Variants in MAPK10 observed in about 807,000 individuals in gnomAD.
MAPK10 encodes JNK3 alpha protein kinase.
A neutral mutation model predicts 59.3 loss-of-function variants in MAPK10; 25 were observed. That is an observed-to-expected ratio of 0.42 (90% CI 0.31 to 0.59). The LOEUF (loss-of-function observed/expected upper bound fraction) is 0.59. Ranked by LOEUF, MAPK10 falls within the 20% of genes least tolerant of loss-of-function variation. MAPK10 has a pLI of 0.15. For missense variants in MAPK10, 351 were observed against 568.9 expected (o/e 0.62, Z 3.90); for synonymous variants, 190 against 200.5 (o/e 0.95, Z 0.44).
At chr4:86,485,467 G>T (rs2149072708) in intron 1 of MAPK10, among the ~76,000 whole-genome samples, 1 of 152,208 alleles carries the variant, frequency 6.6e-6, no homozygotes, top group Admixed American at 6.5e-5. Context: ...ATCCTTAATA[G>T]GTGTTTAATA....
chr4:86,197,120 G>T (rs1264177230), intron 2 of MAPK10, among the ~76,000 whole-genome samples: 1 of 152,124 alleles, frequency 6.6e-6, no homozygotes, highest in Non-Finnish European at 1.5e-5. Flanking sequence ...GCTTGATGAG[G>T]ATAGCATTGA....
At chr4:86,537,514 T>C (rs1758341225) in intron 1 of MAPK10, among the ~76,000 whole-genome samples, 1 of 152,196 alleles carries the variant, frequency 6.6e-6, no homozygotes, top group South Asian at 2.1e-4. Context: ...AATGGCTGAT[T>C]CAAGAGCTGG....
Position 86,194,347 on chromosome 4 carries a change from C to T in MAPK10, c.55G>A (p.Ala19Thr). 1 of 1,613,334 alleles carries T rather than the reference C, an allele frequency of 6.2e-7. No homozygotes were observed. Among genetic ancestry groups the T allele is most frequent in the South Asian group, 1.1e-5 (1 of 91,078 alleles). The change falls in exon 3 of 14, where the codon GCC (alanine) becomes ACC (threonine). Residue 19 changes from alanine (A) to threonine (T), a missense_variant. Around this residue, in one of 5 missense-constraint regions of MAPK10, gnomAD observed 61 missense variants for 58.4 expected, o/e 1.05. Coordinates refer to ENST00000641462, the MANE Select transcript of MAPK10 (RefSeq NM_138982.4). Reference protein sequence around the residue: ...CSEPTLDVKIAFCQGFDKQVD... With the variant: ...CSEPTLDVKITFCQGFDKQVD... Reference sequence around the variant, plus strand: ...TAAGGAACACACACCTGACAAAAGGCAATTTTCACATCCAATGTTGGTTCA... The same window carrying T: ...TAAGGAACACACACCTGACAAAAGGTAATTTTCACATCCAATGTTGGTTCA...
At chr4:86,392,242 C>A (rs906522196) in intron 1 of MAPK10, 4 of 152,578 alleles carry the variant, frequency 2.6e-5, no homozygotes, top group African/African-American at 7.2e-5. Context: ...AGTTCGACAC[C>A]AGCCTGGCCA....
intron 1 of MAPK10, among the ~76,000 whole-genome samples, chr4:86,420,487 C>T (rs1056656250): frequency 2.0e-5 from 3 of 151,900 alleles, no homozygotes; most frequent in African/African-American, 7.3e-5. Flanking sequence ...AGATAATTGC[C>T]TTTAAAAACT....
rs901901744 is a variant in MAPK10, at chr4:86,216,484, A to G, written c.-6-22077T>C. Among the ~76,000 whole-genome samples the G allele has an allele frequency of 4.6e-5, 7 of 151,706 alleles. No individual in the cohort carries two copies. The East Asian group carries it at 1.3e-3, about 29-fold the overall frequency. The stretch of plus-strand genomic sequence containing the variant: ...AATTTTATGTTCTGTGTATTTTGCC[A>G]TAACAGAAAAAGTTGAAAGAAAAAC... On this transcript the variant is annotated intron_variant, in intron 2 of 13. Transcript: ENST00000641462.
intron 1 of MAPK10, among the ~76,000 whole-genome samples, chr4:86,476,247 G>C (rs950530820): frequency 3.9e-5 from 6 of 152,052 alleles, no homozygotes; most frequent in South Asian, 4.2e-4. Context: ...GGCCGAGCCA[G>C]GTCCCAATTC....
At chr4:86,098,169 A>G (rs1040117881) in intron 9 of MAPK10, among the ~76,000 whole-genome samples, 1 of 152,178 alleles carries the variant, frequency 6.6e-6, no homozygotes, top group African/African-American at 2.4e-5. Flanking sequence ...TAGAAAGGAG[A>G]TGGAAAATGA....
At chr4:86,072,092 T>C (rs1223509678) in intron 9 of MAPK10, among the ~76,000 whole-genome samples, 2 of 150,102 alleles carry the variant, frequency 1.3e-5, no homozygotes, top group African/African-American at 5.0e-5. Context: ...TAGTTCTCCT[T>C]GAAGAGGTCC....
At chr4:86,567,671 T>C (rs531188964) in intron 1 of MAPK10, among the ~76,000 whole-genome samples, 1 of 152,308 alleles carries the variant, frequency 6.6e-6, no homozygotes, top group East Asian at 1.9e-4. Context: ...TTTATACAAA[T>C]AAATATTTAC....
chr4:86,569,659 T>C (rs1345455575), intron 1 of MAPK10, among the ~76,000 whole-genome samples: 1 of 152,096 alleles, frequency 6.6e-6, no homozygotes, highest in Non-Finnish European at 1.5e-5. Flanking sequence ...GCAACATAGA[T>C]GGGACTGAAG....
At chr4:86,421,104 C>T (rs1233930508) in intron 1 of MAPK10, among the ~76,000 whole-genome samples, 2 of 151,856 alleles carry the variant, frequency 1.3e-5, no homozygotes, top group Non-Finnish European at 2.9e-5. Flanking sequence ...AAAAAATTTA[C>T]ATATACAAAG....
intron 1 of MAPK10, among the ~76,000 whole-genome samples, chr4:86,474,329 C>T (rs1427063656): frequency 6.6e-6 from 1 of 152,146 alleles, no homozygotes; most frequent in African/African-American, 2.4e-5. Context: ...CTTGTATATA[C>T]ATTAATTGAG....
At chr4:86,080,453 A>T (rs2050404923) in intron 9 of MAPK10, 2 of 152,106 alleles carry the variant, frequency 1.3e-5, no homozygotes, top group South Asian at 4.1e-4. Flanking sequence ...AATAAAATAA[A>T]TTTCAATGTA....
intron 3 of MAPK10, among the ~76,000 whole-genome samples, chr4:86,183,839 G>A (rs374419048): frequency 1.3e-5 from 2 of 152,274 alleles, no homozygotes; most frequent in Admixed American, 6.5e-5. Flanking sequence ...ATTCTAACTG[G>A]TGTGAGACAG....
intron 1 of MAPK10, among the ~76,000 whole-genome samples, chr4:86,423,760 GATATAT>G (rs772650050): frequency 8.5e-6 from 1 of 117,120 alleles, no homozygotes; most frequent in Admixed American, 8.5e-5. Flanking sequence ...TAATTAGTGG[GATATAT>G]ATACATATAT....
At chr4:86,545,108 C>A (rs185426771) in intron 1 of MAPK10, among the ~76,000 whole-genome samples, 7 of 152,202 alleles carry the variant, frequency 4.6e-5, no homozygotes, top group African/African-American at 1.4e-4. Flanking sequence ...ACATGGCTCA[C>A]GTGTGTATCA....
chr4:86,359,476 G>A (rs745632127), intron 1 of MAPK10, among the ~76,000 whole-genome samples, 182 bp downstream of exon 1: 1 of 151,872 alleles, frequency 6.6e-6, no homozygotes, highest in Non-Finnish European at 1.5e-5. Flanking sequence ...GAGATGTTCT[G>A]CACAGAGGGA....
At chr4:86,045,886 A>G (rs1039848346) in intron 11 of MAPK10, among the ~76,000 whole-genome samples, 1 of 150,454 alleles carries the variant, frequency 6.6e-6, no homozygotes, top group Non-Finnish European at 1.5e-5. Context: ...AAAATTAATC[A>G]CTCCAAGCAG....
Sources: gnomAD v4.1 joint callset for allele counts (sites outside exome capture counted in the v4.1 genomes callset) on GRCh38, gnomAD v4.1.1 for gene constraint, gnomAD v4.1.1 regional missense constraint, MANE v1.5 for transcripts, NCBI Gene and HGNC (gene_info 2026-07-23, HGNC 2026-07-21) for gene names.